Variants in PHACTR1 observed in about 807,000 individuals in gnomAD.
The protein encoded by PHACTR1 is phosphatase and actin regulator 1.
PHACTR1 carries 16 observed loss-of-function variants against 69.2 expected under a neutral mutation model. The ratio of observed to expected loss-of-function variants is 0.23; its 90% confidence interval spans 0.16 to 0.35. The LOEUF is 0.35. PHACTR1 is among the 10% of genes least tolerant of loss of function. PHACTR1 has a pLI of 1.00. For missense variants in PHACTR1, 510 were observed against 734.7 expected (o/e 0.69, Z 3.54); for synonymous variants, 312 against 284.5 (o/e 1.10, Z -0.97).
intron 5 of PHACTR1, among the ~76,000 whole-genome samples, chr6:13,057,522 T>TA (rs1467917123): frequency 1.2e-4 from 18 of 152,204 alleles, no homozygotes; most frequent in African/African-American, 3.9e-4. Context: ...CAGACTGGGT[T>TA]ACATTTATAA....
At chr6:12,720,439 G>A (rs1263418922) in intron 3 of PHACTR1, among the ~76,000 whole-genome samples, 2 of 152,214 alleles carry the variant, frequency 1.3e-5, no homozygotes, top group East Asian at 3.9e-4. Flanking sequence ...AGCAGGCAGT[G>A]TGTGGGAGGC....
Position 12,833,166 on chromosome 6 carries a change from T to C in PHACTR1, c.250+83376T>C, listed in dbSNP as rs115780753. On this transcript the variant is annotated intron_variant, in intron 4 of 14. Coordinates refer to ENST00000332995, the MANE Select transcript of PHACTR1 (RefSeq NM_030948.6). Reference sequence around the variant, plus strand: ...TGTAGAGGAACTATCCATGTGCTACTTGGGTTTTGGCTTCCTTTTCGTGTT... The same window carrying C: ...TGTAGAGGAACTATCCATGTGCTACCTGGGTTTTGGCTTCCTTTTCGTGTT... Among the ~76,000 whole-genome samples, 1,069 of 152,192 alleles carry C rather than the reference T, an allele frequency of 7.0e-3. 17 individuals are homozygous for C. Among genetic ancestry groups the C allele is most frequent in the African/African-American group, 0.025 (1,018 of 41,526 alleles).
chr6:13,176,250 G>A (rs1182130840), intron 6 of PHACTR1, among the ~76,000 whole-genome samples: 1 of 152,206 alleles, frequency 6.6e-6, no homozygotes, highest in Non-Finnish European at 1.5e-5. Flanking sequence ...TATCATGCCA[G>A]ATTCACTTCA....
At chr6:13,043,057 G>T (rs527724995) in intron 4 of PHACTR1, among the ~76,000 whole-genome samples, 3 of 152,316 alleles carry the variant, frequency 2.0e-5, no homozygotes, top group African/African-American at 7.2e-5. Context: ...ATGTAATGAG[G>T]TTTCAGTTTC....
intron 10 of PHACTR1, among the ~76,000 whole-genome samples, chr6:13,257,363 G>A (rs934093631): frequency 2.0e-5 from 3 of 152,158 alleles, no homozygotes; most frequent in Non-Finnish European, 4.4e-5. Context: ...AATTGAACAT[G>A]AGATTTGGGT....
At position 12,930,409 on chromosome 6, in the gene PHACTR1, A is replaced by G. The variant is rs78512072; in HGVS notation, c.251-122956A>G. Among the ~76,000 whole-genome samples the G allele has an allele frequency of 4.8e-3, 728 of 152,308 alleles. 3 individuals are homozygous for G. The highest frequency in any genetic ancestry group is 0.017 in the African/African-American group (706 of 41,562). On this transcript the variant is annotated intron_variant, in intron 4 of 14. Coordinates refer to ENST00000332995, the MANE Select transcript of PHACTR1 (RefSeq NM_030948.6). ...TACATGGAAAGAAAGAGAAGTTCCT[A>G]AGAGCTGAGGCTAGGTCCTCAAACA... is the stretch of plus-strand genomic sequence containing the variant.
In PHACTR1 at chr6:13,205,948, T is replaced by G; in HGVS notation, c.798T>G (p.Ser266Arg). Residue 266 changes from serine (S) to arginine (R), a missense_variant, in exon 8 of 15, where the codon AGT (serine) becomes AGG (arginine). By Grantham distance (110) the Ser-to-Arg change is moderately radical. Transcript: ENST00000332995. ...LSLVSYTAQK[S>R]GQQGVAQHHH... ...TGGTGTCCTACACAGCCCAGAAGAG[T>G]GGCCAGCAGGGTGTGGCCCAGCACC... The G allele has an allele frequency of 1.9e-6, 3 of 1,613,808 alleles. No homozygotes were observed. Among genetic ancestry groups the G allele is most frequent in the Non-Finnish European group, 2.5e-6 (3 of 1,179,870 alleles).
chr6:13,252,671 A>T (rs1250427459), intron 10 of PHACTR1, among the ~76,000 whole-genome samples: 1 of 152,010 alleles, frequency 6.6e-6, no homozygotes, highest in Non-Finnish European at 1.5e-5. Flanking sequence ...GTTGTGTCAC[A>T]TCTGCAGAAA....
At chr6:12,794,272 A>G (rs1246761611) in intron 4 of PHACTR1, among the ~76,000 whole-genome samples, 1 of 152,258 alleles carries the variant, frequency 6.6e-6, no homozygotes, top group African/African-American at 2.4e-5. Context: ...TGACTATGAT[A>G]CCATTTTATA....
intron 10 of PHACTR1, among the ~76,000 whole-genome samples, chr6:13,250,531 C>T (rs544398357): frequency 3.1e-4 from 47 of 152,214 alleles, no homozygotes; most frequent in Admixed American, 2.4e-3. Context: ...GCTCAGCTGC[C>T]GGCCAGATAA....
At chr6:13,102,872 C>T (rs1020864516) in intron 5 of PHACTR1, among the ~76,000 whole-genome samples, 1 of 152,160 alleles carries the variant, frequency 6.6e-6, no homozygotes, top group Non-Finnish European at 1.5e-5. Flanking sequence ...TAATCTCTAA[C>T]GTGACAGACA....
At chr6:12,954,258 A>T (rs1041755001) in intron 4 of PHACTR1, among the ~76,000 whole-genome samples, 1 of 152,038 alleles carries the variant, frequency 6.6e-6, no homozygotes, top group Non-Finnish European at 1.5e-5. Context: ...GGGCCACTTT[A>T]TGATTGCCTA....
At chr6:12,775,171 C>G (rs1769896073) in intron 4 of PHACTR1, among the ~76,000 whole-genome samples, 1 of 127,746 alleles carries the variant, frequency 7.8e-6, no homozygotes, top group Non-Finnish European at 1.7e-5. Flanking sequence ...ATTTATCACT[C>G]AGAGACACAC....
rs192874772 is a variant in PHACTR1 at position 13,079,552 on chromosome 6, C to T, written c.415+26023C>T. ...TCGCTACAGGAGACACGCAGATAGA[C>T]GGCACTGGGATTGCTGGCCAAAGAA... On this transcript the variant is annotated intron_variant, in intron 5 of 14. Transcript: ENST00000332995. Among the ~76,000 whole-genome samples, 627 of 152,138 alleles carry T rather than the reference C, an allele frequency of 4.1e-3. 3 individuals carry two copies. Among genetic ancestry groups the T allele is most frequent in the Non-Finnish European group, 5.8e-3 (397 of 68,004 alleles).
At chr6:13,096,626 A>T (rs1369621302) in intron 5 of PHACTR1, among the ~76,000 whole-genome samples, 3 of 152,154 alleles carry the variant, frequency 2.0e-5, no homozygotes, top group Non-Finnish European at 4.4e-5. Context: ...AAGACTGAGG[A>T]TGTGATGAGA....
At chr6:13,112,070 T>A (rs1334238528) in intron 5 of PHACTR1, among the ~76,000 whole-genome samples, 2 of 152,138 alleles carry the variant, frequency 1.3e-5, no homozygotes, top group Non-Finnish European at 2.9e-5. Context: ...GTTGCTCCCC[T>A]CTGTGTGTCC....
At chr6:12,887,039 C>T (rs1372403237) in intron 4 of PHACTR1, among the ~76,000 whole-genome samples, 1 of 152,050 alleles carries the variant, frequency 6.6e-6, no homozygotes, top group Non-Finnish European at 1.5e-5. Flanking sequence ...TCCCCTTGTC[C>T]TCCACCCCCT....
chr6:13,229,790 G>C (rs1359810530), intron 9 of PHACTR1, among the ~76,000 whole-genome samples: 1 of 152,220 alleles, frequency 6.6e-6, no homozygotes, highest in East Asian at 1.9e-4. Context: ...TTGCCTGCGT[G>C]CTAGACATTC....
At chr6:12,780,247 C>CTGTG (rs1325407050) in intron 4 of PHACTR1, among the ~76,000 whole-genome samples, 2 of 96,470 alleles carry the variant, frequency 2.1e-5, no homozygotes, top group Non-Finnish European at 2.1e-5. Context: ...TATATCTTTT[C>CTGTG]TCTGTGTGTG....
Sources: gnomAD v4.1 joint callset for allele counts (sites outside exome capture counted in the v4.1 genomes callset) on GRCh38, gnomAD v4.1.1 for gene constraint, MANE v1.5 for transcripts, NCBI Gene and HGNC (gene_info 2026-07-23, HGNC 2026-07-21) for gene names.